Variants in SMAP2 observed in about 807,000 individuals in gnomAD.
SMAP2 encodes the protein stromal membrane-associated protein 2.
A neutral mutation model predicts 56.4 loss-of-function variants in SMAP2; 25 were observed. The ratio of observed to expected loss-of-function variants is 0.44; its 90% CI spans 0.32 to 0.62. SMAP2 has a LOEUF of 0.62. Ranked by LOEUF, SMAP2 falls within the 20% of genes least tolerant of loss-of-function variation. SMAP2 has a pLI of 0.04. For missense variants in SMAP2, 388 were observed against 545.6 expected, an observed-to-expected ratio of 0.71 and a Z score of 2.88; for synonymous variants, 157 against 181.7, an observed-to-expected ratio of 0.86 and a Z score of 1.09.
chr1:40,375,414 T>G (rs1644532017), intron 1 of SMAP2, among the ~76,000 whole-genome samples: 1 of 152,232 alleles, frequency 6.6e-6, no homozygotes, highest in African/African-American at 2.4e-5. Flanking sequence ...CATATTTAAT[T>G]GATGCTTTCA....
chr1:40,393,352 A>T, intron 1 of SMAP2: 1 of 1,532,878 alleles, frequency 6.5e-7, no homozygotes, highest in Non-Finnish European at 8.7e-7. Flanking sequence ...ACCACAAATG[A>T]GTGAGTGCAG....
At chr1:40,416,475 C>G (rs758102269) in intron 8 of SMAP2, 134 bp downstream of exon 8, 25 of 953,884 alleles carry the variant, frequency 2.6e-5, no homozygotes, top group Non-Finnish European at 3.9e-5. Context: ...TGAACATGAC[C>G]AACGTATCAG....
Position 40,418,407 on chromosome 1 carries a change from A to T in SMAP2, c.1164+1311A>T, listed in dbSNP as rs956890008. On this transcript the variant is annotated intron_variant, in intron 9 of 9. Transcript: ENST00000372718. ...AAATTAATATGGAAGTTAGGCAAAG[A>T]AAACTTACATATATTTGGAGATGCC... 9.2e-5 allele frequency among the ~76,000 whole-genome samples: 14 copies of T among 152,348 alleles called. 1 individual carries two copies. Among genetic ancestry groups the T allele is most frequent in the East Asian group, 5.8e-4 (3 of 5,194 alleles).
intron 1 of SMAP2, among the ~76,000 whole-genome samples, chr1:40,359,358 C>G (rs926621117): frequency 2.4e-4 from 36 of 152,230 alleles, no homozygotes; most frequent in African/African-American, 8.4e-4. Context: ...CCACCTTGGC[C>G]TCCCAAAGTG....
At chr1:40,389,360 G>C (rs879644672) in intron 1 of SMAP2, among the ~76,000 whole-genome samples, 8 of 152,122 alleles carry the variant, frequency 5.3e-5, no homozygotes, top group Non-Finnish European at 7.3e-5. Flanking sequence ...CAGGGACTGT[G>C]TTTTCATGTC....
rs1314413478 is a variant in SMAP2, at chr1:40,385,603, C to G, written c.103+11380C>G. ...GAGAGGGAGAGAGACCTACTCTCAG[C>G]TGTAGCTGATAAGTGTGTCCTAGCA... On this transcript the variant is annotated intron_variant, in intron 1 of 9. Coordinates refer to ENST00000372718, the MANE Select transcript of SMAP2 (RefSeq NM_022733.3). The surrounding 1 kb of genome is among the most constrained non-coding windows in gnomAD (Gnocchi z 4.5). Among the ~76,000 whole-genome samples the G allele has an allele frequency of 4.6e-5, 7 of 152,230 alleles. No individual in the cohort carries two copies. Among genetic ancestry groups the G allele is most frequent in the Non-Finnish European group, 7.3e-5 (5 of 68,036 alleles).
At chr1:40,344,974 CTTTCTCTTTCTTTT>C (rs1445865487) in intron 1 of SMAP2, 1 of 151,114 alleles carries the variant, frequency 6.6e-6, no homozygotes, top group East Asian at 1.9e-4. Context: ...TTCTTTCTTT[CTTTCTCTTTCTTTT>C]TCTTTCTTTC....
intron 1 of SMAP2, among the ~76,000 whole-genome samples, chr1:40,379,796 T>C (rs1644579771): frequency 6.6e-6 from 1 of 152,182 alleles, no homozygotes; most frequent in Admixed American, 6.5e-5. Context: ...CCTCCCAAAA[T>C]GCTGGGATTA....
At chr1:40,403,259 C>T (rs1482837561) in intron 1 of SMAP2, among the ~76,000 whole-genome samples, 20 of 152,122 alleles carry the variant, frequency 1.3e-4, no homozygotes, top group Admixed American at 1.2e-3. Flanking sequence ...TAATCCCAGG[C>T]CTTTGAGAGG....
intron 1 of SMAP2, among the ~76,000 whole-genome samples, chr1:40,348,360 G>A (rs1644397603): frequency 1.3e-5 from 2 of 152,004 alleles, no homozygotes; most frequent in Admixed American, 1.3e-4. Flanking sequence ...CTACTTCCCA[G>A]CCCAGGGAGT....
At chr1:40,421,736 G>T (rs1224775112) in intron 9 of SMAP2, among the ~76,000 whole-genome samples, 3 of 152,184 alleles carry the variant, frequency 2.0e-5, no homozygotes, top group African/African-American at 7.2e-5. Context: ...CAGATGCCAG[G>T]ATGCCTTCTT....
chr1:40,403,568 T>C (rs192211818), intron 1 of SMAP2: 5 of 645,362 alleles, frequency 7.7e-6, no homozygotes. Flanking sequence ...ATATTACATA[T>C]ATGAATGAGT....
chr1:40,407,122 A>G (rs2124340509), intron 2 of SMAP2, among the ~76,000 whole-genome samples: 1 of 152,332 alleles, frequency 6.6e-6, no homozygotes, highest in South Asian at 2.1e-4. Context: ...CCACGAAAGT[A>G]TTAAGAGGGA....
At chr1:40,404,843 C>A (rs1036904516) in intron 1 of SMAP2, among the ~76,000 whole-genome samples, 1 of 152,118 alleles carries the variant, frequency 6.6e-6, no homozygotes, top group South Asian at 2.1e-4. Context: ...TTGTGTTTGA[C>A]GTGACACTCT....
Position 40,408,614 on chromosome 1 carries a change from A to ATC in SMAP2, c.238-37_238-36dup. 1 of 1,565,428 alleles carries ATC rather than the reference A, an allele frequency of 6.4e-7. No individual in the cohort carries two copies. Among genetic ancestry groups the ATC allele is most frequent in the Non-Finnish European group, 8.8e-7 (1 of 1,136,212 alleles). The stretch of plus-strand genomic sequence containing the variant: ...TGAGAAGTTTTTCAGTTCTTTCTTG[A>ATC]TCTGACGTTCCATGTTTCTACATTC... On this transcript the variant is annotated intron_variant, in intron 2 of 9. Transcript: ENST00000372718. The surrounding 1 kb of genome is among the most constrained non-coding windows in gnomAD (Gnocchi z 4.3).
At chr1:40,372,006 T>G (rs1298052677), upstream of SMAP2, among the ~76,000 whole-genome samples, 2 of 152,192 alleles carry the variant, frequency 1.3e-5, no homozygotes, top group Non-Finnish European at 2.9e-5. Context: ...TCTGTGTGCT[T>G]AACCACAAAG....
chr1:40,422,166 C>T lies in SMAP2; in HGVS notation c.*65C>T. On this transcript the variant is annotated 3_prime_UTR_variant, in exon 10 of 10. Transcript: ENST00000372718. The stretch of plus-strand genomic sequence containing the variant: ...CGCTCTCCCCTTTCCACAGCCTCCA[C>T]CCCTGACCCCCATCCTCTTTTCCTA... 7 of 1,589,784 alleles carry T rather than the reference C, an allele frequency of 4.4e-6. No individual in the cohort carries two copies. The highest frequency in any genetic ancestry group is 6.0e-6 in the Non-Finnish European group (7 of 1,167,892).
intron 5 of SMAP2, 92 bp from the exon 6 acceptor site, chr1:40,414,061 CAGCCCT>C: frequency 1.0e-6 from 1 of 991,936 alleles, no homozygotes; most frequent in Non-Finnish European, 1.5e-6. Flanking sequence ...TGAATAACAG[CAGCCCT>C]ACCCACAAGA....
intron 1 of SMAP2, among the ~76,000 whole-genome samples, chr1:40,404,003 T>G (rs1644861492): frequency 6.6e-6 from 1 of 152,028 alleles, no homozygotes; most frequent in Non-Finnish European, 1.5e-5. Context: ...GAGGCTGAGG[T>G]GGGAGAATCG....
Sources: allele counts gnomAD v4.1 joint callset (sites outside exome capture counted in the v4.1 genomes callset), GRCh38; gene constraint gnomAD v4.1.1; non-coding constraint Gnocchi (gnomAD v3.1); transcripts MANE v1.5; gene names NCBI Gene and HGNC (gene_info 2026-07-23, HGNC 2026-07-21).